Variants in NFKB1 observed in about 807,000 individuals in gnomAD.
NFKB1 encodes nuclear factor kappa B subunit 1, also known as nuclear factor NF-kappa-B p105 subunit.
A neutral mutation model predicts 105.1 loss-of-function variants in NFKB1; 9 were observed. The ratio of observed to expected loss-of-function variants is 0.09; its 90% CI spans 0.05 to 0.15. The LOEUF is 0.15. Ranked by LOEUF, NFKB1 falls within the 10% of genes least tolerant of loss-of-function variation. NFKB1 has a pLI of 1.00. For synonymous variants in NFKB1, 440 were observed against 442.2 expected (o/e 1.00, Z 0.06); for missense variants, 830 against 1,203.7 (o/e 0.69, Z 4.59).
In NFKB1 at chr4:102,599,863, GATTGTT is replaced by G. The variant is rs147932578; in HGVS notation, c.1638-1019_1638-1014del. 5.1e-3 allele frequency among the ~76,000 whole-genome samples: 780 copies of G among 152,298 alleles called. 39 individuals carry two copies. The East Asian group carries it at 0.13, about 25-fold the overall frequency. On this transcript the variant is annotated intron_variant, in intron 15 of 23. Coordinates refer to ENST00000226574, the MANE Select transcript of NFKB1 (RefSeq NM_003998.4). ...AACAAATAGTAGCCACTGGTAAAAT[GATTGTT>G]ATTGTTATTGTTTTGAATTTTAATA...
chr4:102,596,423 T>A, intron 14 of NFKB1, 91 bp downstream of exon 14: 1 of 1,011,620 alleles, frequency 9.9e-7, no homozygotes, highest in Non-Finnish European at 1.4e-6. Context: ...AAAGATGATA[T>A]ATCAATATCT....
chr4:102,601,119 AAAAC>A, intron 16 of NFKB1, 110 bp downstream of exon 16: 1 of 665,650 alleles, frequency 1.5e-6, no homozygotes, highest in Non-Finnish European at 2.6e-6. Flanking sequence ...AGCAAAAACA[AAAAC>A]AAACCTTTGT....
At chr4:102,582,375 T>C (rs187506278) in intron 9 of NFKB1, among the ~76,000 whole-genome samples, 1 of 152,334 alleles carries the variant, frequency 6.6e-6, no homozygotes, top group East Asian at 1.9e-4. Context: ...AGGATAATAA[T>C]AGTACCCATC....
chr4:102,513,292 A>G (rs2149100075), intron 1 of NFKB1, among the ~76,000 whole-genome samples: 1 of 152,340 alleles, frequency 6.6e-6, no homozygotes, highest in South Asian at 2.1e-4. Flanking sequence ...TATAACATTT[A>G]AGGTTTTATC....
rs546910940 is a variant in NFKB1, at chr4:102,572,728, A to G, written c.408-4148A>G. Among the ~76,000 whole-genome samples the G allele has an allele frequency of 9.2e-5, 14 of 152,280 alleles. 1 individual carries two copies. Among genetic ancestry groups the G allele is most frequent in the African/African-American group, 3.4e-4 (14 of 41,544 alleles). On this transcript the variant is annotated intron_variant, in intron 6 of 23. Coordinates refer to ENST00000226574, the MANE Select transcript of NFKB1 (RefSeq NM_003998.4). Reference sequence around the variant, plus strand: ...CTTTTTCCATATGTTTGTTGGTGGCATGTGTGTCTTCTCTTGAAAAGTATC... The same window carrying G: ...CTTTTTCCATATGTTTGTTGGTGGCGTGTGTGTCTTCTCTTGAAAAGTATC...
chr4:102,601,823 G>A (rs1395451625), intron 16 of NFKB1, among the ~76,000 whole-genome samples: 4 of 152,172 alleles, frequency 2.6e-5, no homozygotes, highest in African/African-American at 7.2e-5. Flanking sequence ...GATGGGGTTC[G>A]GCTCCTGAGG....
intron 5 of NFKB1, among the ~76,000 whole-genome samples, chr4:102,543,604 TAAA>T (rs768927474): frequency 2.3e-5 from 3 of 133,244 alleles, no homozygotes; most frequent in South Asian, 5.0e-4. Flanking sequence ...ACTACTGATT[TAAA>T]AAAAAAAAAA....
intron 1 of NFKB1, among the ~76,000 whole-genome samples, chr4:102,520,602 T>C (rs1441184490): frequency 2.0e-5 from 3 of 152,166 alleles, no homozygotes; most frequent in Non-Finnish European, 2.9e-5. Context: ...CTTTAAAACA[T>C]GGAAAATTAG....
rs34022549 is a variant in NFKB1 at position 102,617,048 on chromosome 4, T to TA, written c.*463dup. 0.02 allele frequency: 1,965 copies of TA among 97,346 alleles called. 22 individuals carry two copies. Among genetic ancestry groups the TA allele is most frequent in the Non-Finnish European group, 0.029 (1,390 of 48,684 alleles). 6.0% of individuals were successfully genotyped at this position (97,346 alleles called of 1,614,324 possible). A position where few individuals can be genotyped will look rare whatever the true frequency, so the allele number is the denominator to read the frequency against. Reference sequence around the variant, plus strand: ...ATGAGAGTCACTTGATGTGCCATTTTAAAAAAAAAGGCATATTGCTTTTTC... The same window carrying TA: ...ATGAGAGTCACTTGATGTGCCATTTTAAAAAAAAAAGGCATATTGCTTTTTC... On this transcript the variant is annotated 3_prime_UTR_variant, in exon 24 of 24. Coordinates refer to ENST00000226574, the MANE Select transcript of NFKB1 (RefSeq NM_003998.4).
intron 3 of NFKB1, among the ~76,000 whole-genome samples, chr4:102,531,160 C>T (rs1741265715): frequency 1.3e-5 from 2 of 152,144 alleles, no homozygotes; most frequent in South Asian, 4.1e-4. Flanking sequence ...AAAACAGTAT[C>T]CTGAGGCAGA....
At chr4:102,505,454 C>A (rs1047044137) in intron 1 of NFKB1, among the ~76,000 whole-genome samples, 3 of 152,048 alleles carry the variant, frequency 2.0e-5, no homozygotes, top group Non-Finnish European at 4.4e-5. Flanking sequence ...AATTTATTGC[C>A]TGTTTTTGAA....
In NFKB1 at chr4:102,600,155, G is replaced by A. The variant is rs550967419; in HGVS notation, c.1638-740G>A. ...GAGAGGGACAACTTGCTCCACCTAG[G>A]AGGTTAGGAAAGTATTCTCTGAGGA... On this transcript the variant is annotated intron_variant, in intron 15 of 23. Coordinates refer to ENST00000226574, the MANE Select transcript of NFKB1 (RefSeq NM_003998.4). Among the ~76,000 whole-genome samples, 10 of 152,352 alleles carry A rather than the reference G, an allele frequency of 6.6e-5. No individual in the cohort carries two copies. The South Asian group carries it at 2.1e-3, about 32-fold the overall frequency.
chr4:102,556,096 CAA>C (rs1331729527), intron 5 of NFKB1, among the ~76,000 whole-genome samples: 4 of 152,104 alleles, frequency 2.6e-5, no homozygotes, highest in African/African-American at 7.2e-5. Flanking sequence ...ACATAAAAGA[CAA>C]GAGACAGAGA....
Sources: gnomAD v4.1 joint callset for allele counts (sites outside exome capture counted in the v4.1 genomes callset) on GRCh38, gnomAD v4.1.1 for gene constraint, MANE v1.5 for transcripts, NCBI Gene and HGNC (gene_info 2026-07-23, HGNC 2026-07-21) for gene names.